The following SPAG16 variants were observed in gnomAD, a reference collection of about 807,000 sequenced individuals.
SPAG16 encodes sperm-associated antigen 16 protein.
A neutral mutation model predicts 80.4 loss-of-function variants in SPAG16; 86 were observed. That is an observed-to-expected ratio of 1.07 (90% confidence interval 0.90 to 1.28). The LOEUF (loss-of-function observed/expected upper bound fraction) is 1.28. Ranked by LOEUF, SPAG16 falls within the 50% of genes most tolerant of loss-of-function variation. SPAG16 has a pLI of 0.00. For missense variants in SPAG16, 870 were observed against 765.3 expected (o/e 1.14, Z -1.61); for synonymous variants, 294 against 265.9 (o/e 1.11, Z -1.03).
chr2:213,411,305 A>AAATCAAAT (rs541086516), intron 9 of SPAG16, among the ~76,000 whole-genome samples: 6 of 152,226 alleles, frequency 3.9e-5, no homozygotes, highest in Non-Finnish European at 8.8e-5. Context: ...TTAAAGCCTA[A>AAATCAAAT]AATCAAATAG....
At chr2:214,190,312 G>GTGT (rs1481267855) in intron 15 of SPAG16, among the ~76,000 whole-genome samples, 1 of 152,090 alleles carries the variant, frequency 6.6e-6, no homozygotes. Flanking sequence ...TTGCCAGATT[G>GTGT]TGTTGTTTGC....
intron 15 of SPAG16, among the ~76,000 whole-genome samples, chr2:214,202,722 T>C (rs1473894793): frequency 2.0e-5 from 3 of 152,122 alleles, no homozygotes; most frequent in African/African-American, 7.2e-5. Context: ...GCTAATCTGA[T>C]CTACATCTTT....
chr2:213,733,832 T>TAA (rs1482813375), intron 10 of SPAG16, among the ~76,000 whole-genome samples: 1 of 152,234 alleles, frequency 6.6e-6, no homozygotes, highest in Non-Finnish European at 1.5e-5. Context: ...TCATGGTTTT[T>TAA]AGTTTGTTCA....
intron 10 of SPAG16, among the ~76,000 whole-genome samples, chr2:213,831,897 G>C (rs936152813): frequency 6.6e-6 from 1 of 152,056 alleles, no homozygotes; most frequent in African/African-American, 2.4e-5. Context: ...ACTATAATGT[G>C]ACTAGTAAGA....
At chr2:213,396,786 T>C (rs1274000126) in intron 9 of SPAG16, 1 of 378,484 alleles carries the variant, frequency 2.6e-6, no homozygotes, top group Non-Finnish European at 5.4e-6. Flanking sequence ...ATCCTCCCTT[T>C]CGTCAACACC....
At chr2:213,753,349 C>A (rs1270511013) in intron 10 of SPAG16, among the ~76,000 whole-genome samples, 1 of 152,098 alleles carries the variant, frequency 6.6e-6, no homozygotes, top group Non-Finnish European at 1.5e-5. Flanking sequence ...TTACTACTTT[C>A]TTTCTCATAA....
At chr2:213,564,298 C>A (rs1257026738) in intron 10 of SPAG16, among the ~76,000 whole-genome samples, 6 of 151,938 alleles carry the variant, frequency 3.9e-5, no homozygotes, top group Non-Finnish European at 8.8e-5. Flanking sequence ...AATTTGAGAC[C>A]AGCCTAGCCA....
intron 11 of SPAG16, among the ~76,000 whole-genome samples, chr2:213,892,629 C>T (rs2076828435): frequency 6.6e-6 from 1 of 151,978 alleles, no homozygotes; most frequent in Non-Finnish European, 1.5e-5. Context: ...TTAAAAATCA[C>T]ACAGAAATCG....
intron 1 of SPAG16, among the ~76,000 whole-genome samples, chr2:213,293,274 C>CCGAAAA (rs1047856280): frequency 7.2e-5 from 11 of 152,130 alleles, no homozygotes; most frequent in Non-Finnish European, 1.6e-4. Context: ...ACCTCTTTTC[C>CCGAAAA]TTATAAATTA....
chr2:213,829,664 C>T (rs1279706757), intron 10 of SPAG16, among the ~76,000 whole-genome samples: 1 of 152,144 alleles, frequency 6.6e-6, no homozygotes, highest in Non-Finnish European at 1.5e-5. Context: ...GTGCATACTA[C>T]TTAATTACTG....
At chr2:213,976,135 T>TATATATATATATATACACACACAC (rs749957411) in intron 12 of SPAG16, among the ~76,000 whole-genome samples, 18 of 81,406 alleles carry the variant, frequency 2.2e-4, no homozygotes, top group East Asian at 1.5e-3. Flanking sequence ...TATATATATA[T>TATATATATATATATACACACACAC]ACACACACAC....
intron 11 of SPAG16, among the ~76,000 whole-genome samples, chr2:213,921,524 G>T (rs2078223691): frequency 6.6e-6 from 1 of 152,072 alleles, no homozygotes; most frequent in Non-Finnish European, 1.5e-5. Context: ...GGATTAAGCT[G>T]TTTACATTCA....
chr2:213,698,017 A>G (rs945365754), intron 10 of SPAG16, among the ~76,000 whole-genome samples: 3 of 152,128 alleles, frequency 2.0e-5, no homozygotes, highest in Admixed American at 6.5e-5. Flanking sequence ...ACTGCTTTCA[A>G]TATTTGGCAA....
intron 10 of SPAG16, among the ~76,000 whole-genome samples, chr2:213,575,385 T>C (rs2060088265): frequency 6.6e-6 from 1 of 152,166 alleles, no homozygotes; most frequent in South Asian, 2.1e-4. Context: ...TTAAAAGCAA[T>C]AATAAAATTA....
At chr2:213,994,666 T>G (rs973405782) in intron 12 of SPAG16, among the ~76,000 whole-genome samples, 4 of 151,946 alleles carry the variant, frequency 2.6e-5, no homozygotes, top group African/African-American at 9.7e-5. Context: ...GAAGTGGATT[T>G]CCTTACATAT....
At chr2:213,434,059 T>G (rs2070473165) in intron 9 of SPAG16, among the ~76,000 whole-genome samples, 1 of 151,786 alleles carries the variant, frequency 6.6e-6, no homozygotes, top group South Asian at 2.1e-4. Flanking sequence ...TAGCTGGGAT[T>G]ACAGGCACCC....
rs1043886364 is a variant in SPAG16, at chr2:214,171,071, C to A, written c.1720+21805C>A. 3.9e-5 allele frequency among the ~76,000 whole-genome samples: 6 copies of A among 152,056 alleles called. No homozygotes were observed. In the East Asian group the frequency reaches 1.2e-3, roughly 29 times the overall value. On this transcript the variant is annotated intron_variant, in intron 15 of 15. Coordinates refer to ENST00000331683, the MANE Select transcript of SPAG16 (RefSeq NM_024532.5). Reference sequence around the variant, plus strand: ...GAAAATTGCCATTGTGCCTTTACATCCAAGAGCGCCTCACAAGATTACAAT... The same window carrying A: ...GAAAATTGCCATTGTGCCTTTACATACAAGAGCGCCTCACAAGATTACAAT...
chr2:213,665,020 G>T (rs1414462704), intron 10 of SPAG16, among the ~76,000 whole-genome samples: 2 of 151,924 alleles, frequency 1.3e-5, no homozygotes, highest in Non-Finnish European at 2.9e-5. Context: ...CTTTGATTTT[G>T]AAACATCTCA....
At chr2:213,360,424 C>T (rs192597055) in intron 7 of SPAG16, among the ~76,000 whole-genome samples, 4 of 152,140 alleles carry the variant, frequency 2.6e-5, no homozygotes, top group African/African-American at 7.2e-5. Context: ...GTGGCCAAAG[C>T]GACTGTCAAA....
Sources: gnomAD v4.1 joint callset for allele counts (sites outside exome capture counted in the v4.1 genomes callset) on GRCh38, gnomAD v4.1.1 for gene constraint, MANE v1.5 for transcripts, NCBI Gene and HGNC (gene_info 2026-07-23, HGNC 2026-07-21) for gene names.